Variants in AFG2A observed in about 807,000 individuals in gnomAD.
The protein encoded by AFG2A is ATPase family gene 2 protein homolog A.
the AFG2A span, among the ~76,000 whole-genome samples, chr4:123,219,001 T>C: frequency 6.6e-6 from 1 of 152,010 alleles, no homozygotes; most frequent in East Asian, 1.9e-4. Flanking sequence ...TATATATGAG[T>C]TTATTAGGGA....
chr4:122,990,073 C>T, the AFG2A span, among the ~76,000 whole-genome samples: 23 of 152,042 alleles, frequency 1.5e-4, no homozygotes, highest in Admixed American at 5.2e-4. Flanking sequence ...TCTGTGTTGC[C>T]CAGAGTAGTC....
chr4:122,992,978 G>GTGTGTGTGTGTA, the AFG2A span, among the ~76,000 whole-genome samples: 54,029 of 135,264 alleles, frequency 0.4, 11,973 homozygotes, highest in Non-Finnish European at 0.53. Flanking sequence ...GTGTGTGTAT[G>GTGTGTGTGTGTA]TGTGTGTGTG....
At chr4:123,009,690 A>T in the AFG2A span, among the ~76,000 whole-genome samples, 14 of 152,128 alleles carry the variant, frequency 9.2e-5, no homozygotes, top group Non-Finnish European at 1.8e-4. Flanking sequence ...GGTCTTTTGT[A>T]GAATGCTTCT....
the AFG2A span, among the ~76,000 whole-genome samples, chr4:123,130,923 G>A: frequency 6.5e-5 from 9 of 139,260 alleles, no homozygotes; most frequent in Non-Finnish European, 1.6e-5. Context: ...GCTTGTTATT[G>A]TCAGTGTTTT....
chr4:123,113,395 C>T, the AFG2A span, among the ~76,000 whole-genome samples: 1 of 151,806 alleles, frequency 6.6e-6, no homozygotes, highest in African/African-American at 2.4e-5. Context: ...TCTGTACTGT[C>T]AGAGCCTTTG....
chr4:123,013,488 A>G, the AFG2A span, among the ~76,000 whole-genome samples: 831 of 152,348 alleles, frequency 5.5e-3, 2 homozygotes, highest in Non-Finnish European at 8.9e-3. Flanking sequence ...CAGCAAACTA[A>G]CACAGGAACA....
chr4:123,310,611 T>A, the AFG2A span, among the ~76,000 whole-genome samples: 1 of 152,198 alleles, frequency 6.6e-6, no homozygotes, highest in Non-Finnish European at 1.5e-5. Flanking sequence ...CATCCACTAC[T>A]GGTTTGTGAG....
the AFG2A span, among the ~76,000 whole-genome samples, chr4:123,012,502 T>C: frequency 6.6e-6 from 1 of 152,100 alleles, no homozygotes; most frequent in Non-Finnish European, 1.5e-5. Context: ...CAAGGGAATG[T>C]GGGTGAATGA....
chr4:123,299,117 A>G, the AFG2A span, among the ~76,000 whole-genome samples: 5,793 of 147,238 alleles, frequency 0.039, 178 homozygotes, highest in Admixed American at 0.055. Context: ...GCATCTGCCA[A>G]TGTGTGTGTG....
At chr4:122,947,336 T>G in the AFG2A span, 1 of 1,614,026 alleles carries the variant, frequency 6.2e-7, no homozygotes, top group Non-Finnish European at 8.5e-7. Flanking sequence ...GAGATTGAGA[T>G]TGGAGTTCCC....
At chr4:122,934,112 T>C in the AFG2A span, 1 of 1,594,544 alleles carries the variant, frequency 6.3e-7, no homozygotes, top group Non-Finnish European at 8.6e-7. Context: ...AAGATTGTTT[T>C]ACCAGGCAAC....
the AFG2A span, among the ~76,000 whole-genome samples, chr4:123,311,115 C>T: frequency 1.3e-5 from 2 of 152,126 alleles, no homozygotes; most frequent in South Asian, 2.1e-4. Context: ...TCTCAAGTTT[C>T]GTAGTTCTCC....
chr4:123,074,552 A>G, the AFG2A span, among the ~76,000 whole-genome samples: 1 of 150,438 alleles, frequency 6.6e-6, no homozygotes, highest in African/African-American at 2.4e-5. Context: ...CATTAAGACT[A>G]TCTTTTGAGT....
the AFG2A span, among the ~76,000 whole-genome samples, chr4:123,137,555 T>A: frequency 1.3e-5 from 2 of 152,210 alleles, no homozygotes; most frequent in African/African-American, 4.8e-5. Context: ...CGTGGTCTCA[T>A]TTTACATTCT....
chr4:123,193,523 A>G, the AFG2A span, among the ~76,000 whole-genome samples: 2 of 152,242 alleles, frequency 1.3e-5, no homozygotes, highest in Non-Finnish European at 2.9e-5. Context: ...AAAGCACTAT[A>G]GACAAAAGTG....
At chr4:122,996,201 AAGTTATTTTATGACCTCTC>A in the AFG2A span, among the ~76,000 whole-genome samples, 1 of 152,124 alleles carries the variant, frequency 6.6e-6, no homozygotes, top group African/African-American at 2.4e-5. Flanking sequence ...TCTGCCTGAA[AAGTTATTTTATGACCTCTC>A]AGTTACCAAA....
chr4:123,064,662 A>G, the AFG2A span, among the ~76,000 whole-genome samples: 4 of 152,214 alleles, frequency 2.6e-5, no homozygotes, highest in Non-Finnish European at 5.9e-5. Context: ...CGAAATGAGT[A>G]CTGACTAACC....
At chr4:123,251,317 A>T in the AFG2A span, among the ~76,000 whole-genome samples, 1 of 152,188 alleles carries the variant, frequency 6.6e-6, no homozygotes, top group South Asian at 2.1e-4. Flanking sequence ...TCAATCTGGC[A>T]TATAGTAGAT....
chr4:123,284,305 G>A, the AFG2A span, among the ~76,000 whole-genome samples: 2 of 152,172 alleles, frequency 1.3e-5, no homozygotes, highest in Admixed American at 6.5e-5. Flanking sequence ...ATGGGGCTGA[G>A]GTTAAGCTTT....
Sources: gnomAD v4.1 joint callset for allele counts (sites outside exome capture counted in the v4.1 genomes callset) on GRCh38, gnomAD v4.1.1 for gene constraint, MANE v1.5 for transcripts, NCBI Gene and HGNC (gene_info 2026-07-23, HGNC 2026-07-21) for gene names.